Variants in MGST1 observed in about 807,000 individuals in gnomAD.
MGST1 encodes the protein microsomal glutathione S-transferase 1.
A neutral mutation model predicts 8.9 loss-of-function variants in MGST1; 5 were observed. The ratio of observed to expected loss-of-function variants is 0.56; its 90% CI spans 0.29 to 1.19. The LOEUF (loss-of-function observed/expected upper bound fraction) is 1.19, where lower values mean the gene tolerates loss of function less well. Ranked by LOEUF, MGST1 falls within the 50% of genes most tolerant of loss-of-function variation. The pLI is 0.08. For synonymous variants in MGST1, 54 were observed against 67.8 expected, an observed-to-expected ratio of 0.80 and a Z score of 1.00; for missense variants, 182 against 187.4, an observed-to-expected ratio of 0.97 and a Z score of 0.17.
At chr12:16,481,813 G>T (rs1391855433) in intron 4 of MGST1, among the ~76,000 whole-genome samples, 1 of 151,920 alleles carries the variant, frequency 6.6e-6, no homozygotes, top group Non-Finnish European at 1.5e-5. Context: ...AATACAGGGG[G>T]GTATGGGGGG....
intron 1 of MGST1, chr12:16,400,546 ACTT>A: frequency 1.1e-6 from 1 of 874,818 alleles, no homozygotes; most frequent in East Asian, 2.4e-5. Flanking sequence ...ACGTTTCTGT[ACTT>A]CTTTAATAAT....
chr12:16,564,761 C>T (rs1162872615), intron 4 of MGST1, among the ~76,000 whole-genome samples: 1 of 152,080 alleles, frequency 6.6e-6, no homozygotes, highest in African/African-American at 2.4e-5. Context: ...TCAAGCAATC[C>T]TCATTTAATG....
chr12:16,592,155 A>G (rs1943514098), downstream of MGST1, among the ~76,000 whole-genome samples: 1 of 152,050 alleles, frequency 6.6e-6, no homozygotes, highest in Non-Finnish European at 1.5e-5. Context: ...TTTCACATTC[A>G]TTATTTATAA....
downstream of MGST1, among the ~76,000 whole-genome samples, chr12:16,441,867 TATC>T (rs1463502413): frequency 6.6e-6 from 1 of 151,850 alleles, no homozygotes; most frequent in East Asian, 1.9e-4. Flanking sequence ...TGCAGGATCA[TATC>T]ATAAGGGTGT....
chr12:16,370,344 G>T (rs148104126), intron 3 of MGST1: 1 of 152,094 alleles, frequency 6.6e-6, no homozygotes, highest in South Asian at 2.1e-4. Flanking sequence ...CCCAAACTGT[G>T]CCCAGTCTGT....
intron 1 of MGST1, among the ~76,000 whole-genome samples, chr12:16,427,832 T>C (rs2137090093): frequency 6.6e-6 from 1 of 152,322 alleles, no homozygotes; most frequent in East Asian, 1.9e-4. Flanking sequence ...TTTTTCTTCT[T>C]CAGGGAGTCA....
At position 16,560,990 on chromosome 12, in the gene MGST1, A is replaced by G. The variant is rs1223813811; in HGVS notation, n.483-28538A>G. Among the ~76,000 whole-genome samples, 1 of 152,218 alleles carries G rather than the reference A, an allele frequency of 6.6e-6. No homozygotes were observed. Among genetic ancestry groups the G allele is most frequent in the Non-Finnish European group, 1.5e-5 (1 of 68,026 alleles). The stretch of plus-strand genomic sequence containing the variant: ...AAGGTTTGCCATTATTATTAAAAAT[A>G]CATTTATGAAGAAGCCATTTAAATA... On this transcript the variant is annotated intron_variant and non_coding_transcript_variant, in intron 4 of 4. Coordinates refer to the MGST1 transcript ENST00000538857. The surrounding 1 kb of genome is among the most constrained non-coding windows in gnomAD (Gnocchi z 5.0).
chr12:16,400,884 G>T (rs952411394), intron 1 of MGST1: 1 of 1,184,452 alleles, frequency 8.4e-7, no homozygotes, highest in South Asian at 1.2e-5. Flanking sequence ...AGAGATGGGT[G>T]TTTATAGGAC....
At chr12:16,475,188 C>T (rs1941313362) in intron 4 of MGST1, among the ~76,000 whole-genome samples, 1 of 151,896 alleles carries the variant, frequency 6.6e-6, no homozygotes, top group Admixed American at 6.6e-5. Flanking sequence ...TAACAAGGCC[C>T]AGCATATACA....
chr12:16,399,436 T>G, intron 1 of MGST1: 1 of 1,539,922 alleles, frequency 6.5e-7, no homozygotes, highest in Non-Finnish European at 9.0e-7. Context: ...TGGTCCGCTT[T>G]TCGGGCTTCT....
In MGST1 at chr12:16,413,855, A is replaced by G. The variant is rs1940763039; in HGVS notation, n.779-23533A>G. On this transcript the variant is annotated intron_variant and non_coding_transcript_variant, in intron 1 of 1. Transcript: ENST00000359720. This position sits in a 1 kb window ranked among gnomAD's most constrained non-coding sequence, Gnocchi z 4.0. The stretch of plus-strand genomic sequence containing the variant: ...TCTGACACATTGAAGACTCTTAGCC[A>G]TTGCCAAATCAATGAATGAAAGTAT... 1.3e-5 allele frequency among the ~76,000 whole-genome samples: 2 copies of G among 152,196 alleles called. No homozygotes were observed. Among genetic ancestry groups the G allele is most frequent in the Non-Finnish European group, 2.9e-5 (2 of 68,042 alleles).
At chr12:16,455,700 C>T (rs1039588031) in intron 4 of MGST1, among the ~76,000 whole-genome samples, 2 of 151,780 alleles carry the variant, frequency 1.3e-5, no homozygotes, top group African/African-American at 4.8e-5. Context: ...TCATCTATTG[C>T]TATGGTTCAT....
At chr12:16,501,975 T>G (rs1025229807) in intron 4 of MGST1, among the ~76,000 whole-genome samples, 1 of 152,104 alleles carries the variant, frequency 6.6e-6, no homozygotes, top group Non-Finnish European at 1.5e-5. Flanking sequence ...AATAATAAAC[T>G]TTATCAATAT....
chr12:16,415,860 G>A (rs567796976), intron 1 of MGST1, among the ~76,000 whole-genome samples: 9 of 152,098 alleles, frequency 5.9e-5, no homozygotes, highest in South Asian at 2.1e-4. Flanking sequence ...TGGCAGGAAT[G>A]GCTTGCTTAC....
intron 4 of MGST1, among the ~76,000 whole-genome samples, chr12:16,588,571 T>C (rs1228393342): frequency 6.6e-6 from 1 of 152,196 alleles, no homozygotes; most frequent in Admixed American, 6.5e-5. Context: ...GGAAATAGAA[T>C]TTTCAGTAAT....
In MGST1 at chr12:16,458,451, C is replaced by T. The variant is rs1941194230; in HGVS notation, n.482+74847C>T. ...TGTACTCTGAAGCCCTTGCTGGATT[C>T]CTGCAAGAATCAATAAGCAGTCAGT... On this transcript the variant is annotated intron_variant and non_coding_transcript_variant, in intron 4 of 4. Coordinates refer to the MGST1 transcript ENST00000538857. This position sits in a 1 kb window ranked among gnomAD's most constrained non-coding sequence, Gnocchi z 4.0. 6.6e-6 allele frequency among the ~76,000 whole-genome samples: 1 copy of T among 151,952 alleles called. No individual in the cohort carries two copies. The highest frequency in any genetic ancestry group is 6.6e-5 in the Admixed American group (1 of 15,210).
In MGST1 at chr12:16,413,114, AT is replaced by A. The variant is rs1165712326; in HGVS notation, n.779-24273del. Reference sequence around the variant, plus strand: ...TGAGTTGTGTGGCTACTCAATGAACATCACTTTAAAAGAAAGGAAGGAGAAG... The same window carrying A: ...TGAGTTGTGTGGCTACTCAATGAACACACTTTAAAAGAAAGGAAGGAGAAG... On this transcript the variant is annotated intron_variant and non_coding_transcript_variant, in intron 1 of 1. Coordinates refer to the MGST1 transcript ENST00000359720. This position sits in a 1 kb window ranked among gnomAD's most constrained non-coding sequence, Gnocchi z 4.0. 6.6e-6 allele frequency among the ~76,000 whole-genome samples: 1 copy of A among 152,160 alleles called. No individual in the cohort carries two copies. The highest frequency in any genetic ancestry group is 1.5e-5 in the Non-Finnish European group (1 of 68,036).
At chr12:16,381,417 A>G (rs1015293283), downstream of MGST1, among the ~76,000 whole-genome samples, 1 of 152,154 alleles carries the variant, frequency 6.6e-6, no homozygotes, top group Non-Finnish European at 1.5e-5. Context: ...TTGGCTGGAT[A>G]TGAAATTCTG....
chr12:16,442,850 T>C (rs1174867880), downstream of MGST1, among the ~76,000 whole-genome samples: 3 of 151,852 alleles, frequency 2.0e-5, no homozygotes, highest in Non-Finnish European at 4.4e-5. The surrounding 1 kb of genome is among the most constrained non-coding windows in gnomAD (Gnocchi z 4.5). Context: ...GGTTAAAATA[T>C]TATAGTGTTT....
Sources: allele counts gnomAD v4.1 joint callset (sites outside exome capture counted in the v4.1 genomes callset), GRCh38; gene constraint gnomAD v4.1.1; non-coding constraint Gnocchi (gnomAD v3.1); transcripts MANE v1.5; gene names NCBI Gene and HGNC (gene_info 2026-07-23, HGNC 2026-07-21).